USP24: variants seen among roughly 807,000 people sequenced by gnomAD.
USP24 encodes the protein ubiquitin specific peptidase 24.
USP24 carries 97 observed loss-of-function variants against 361.6 expected under a neutral mutation model. The ratio of observed to expected loss-of-function variants is 0.27; its 90% CI spans 0.23 to 0.32. USP24 has a LOEUF of 0.32. Ranked by LOEUF, USP24 falls within the 10% of genes least tolerant of loss-of-function variation. USP24 has a pLI of 1.00. For missense variants in USP24, 2,353 were observed against 3,165.6 expected, an observed-to-expected ratio of 0.74 and a Z score of 6.16; for synonymous variants, 1,098 against 1,124.6, an observed-to-expected ratio of 0.98 and a Z score of 0.47.
chr1:55,167,130 T>C (rs1162507578), intron 5 of USP24, among the ~76,000 whole-genome samples: 1 of 152,192 alleles, frequency 6.6e-6, no homozygotes, highest in Non-Finnish European at 1.5e-5. Context: ...AAGCTCATTC[T>C]AGCAGGGTCA....
At chr1:55,120,452 G>T in intron 38 of USP24, 144 bp downstream of exon 38, 2 of 897,932 alleles carry the variant, frequency 2.2e-6, no homozygotes, top group African/African-American at 1.7e-5. Flanking sequence ...CTATCCAAAT[G>T]CCATCTTTCA....
rs766228275 is a variant in USP24, at chr1:55,083,835, G to A, written c.6819C>T (p.Asp2273=). ...LEVLLALLDK[D]VPENCKNCAQ... is the part of the protein sequence containing the mutation. Reference sequence around the variant, plus strand: ...CACAGTTTTTACAATTTTCTGGGACGTCTTTGTCCAACAGAGCAAGTAGTA... The same window carrying A: ...CACAGTTTTTACAATTTTCTGGGACATCTTTGTCCAACAGAGCAAGTAGTA... The change falls in exon 57 of 68, where the codon GAC becomes GAT. Residue 2273 remains aspartate (D), a synonymous_variant. Transcript: ENST00000294383. 7 of 1,606,042 alleles carry A rather than the reference G, an allele frequency of 4.4e-6. No individual in the cohort carries two copies. The East Asian group carries it at 6.7e-5, about 15-fold the overall frequency.
chr1:55,070,341 C>A (rs1223402885), intron 67 of USP24, among the ~76,000 whole-genome samples: 1 of 152,134 alleles, frequency 6.6e-6, no homozygotes, highest in African/African-American at 2.4e-5. Flanking sequence ...AGAGACTCCA[C>A]AAACCTTTAC....
At chr1:55,098,450 C>G (rs747285497) in intron 46 of USP24, 26 bp downstream of exon 46, 1 of 1,581,462 alleles carries the variant, frequency 6.3e-7, no homozygotes, top group African/African-American at 1.3e-5. Flanking sequence ...GATCATTTTT[C>G]CTGTGTCGGT....
rs1646342490 is a variant in USP24, at chr1:55,123,547, G to A, written c.4176C>T (p.Ile1392=). The part of the protein sequence containing the change: ...EGEPVALHAG[I]CVRQQSVSTK... ...TGGATACAGACTGTTGTCGAACACA[G>A]ATTCCCGCATGCAGGGCTACTGGTT... The change falls in exon 36 of 68, where the codon ATC becomes ATT. Residue 1392 remains isoleucine, a synonymous_variant. Coordinates refer to ENST00000294383, the MANE Select transcript of USP24 (RefSeq NM_015306.3). 1 of 1,601,988 alleles carries A rather than the reference G, an allele frequency of 6.2e-7. No individual in the cohort carries two copies. The highest frequency in any genetic ancestry group is 1.1e-5 in the South Asian group (1 of 88,312).
intron 64 of USP24, among the ~76,000 whole-genome samples, chr1:55,073,409 G>A (rs1333052910): frequency 2.0e-5 from 3 of 152,054 alleles, no homozygotes; most frequent in Admixed American, 6.5e-5. Flanking sequence ...TTCTTGACAC[G>A]GTGCCTGGGT....
At chr1:55,208,365 C>A (rs1283267058) in intron 1 of USP24, among the ~76,000 whole-genome samples, 1 of 152,224 alleles carries the variant, frequency 6.6e-6, no homozygotes, top group Non-Finnish European at 1.5e-5. Flanking sequence ...CGGAGGCTCA[C>A]ACCTGTAATC....
At chr1:55,116,980 G>C (rs998549497) in intron 38 of USP24, among the ~76,000 whole-genome samples, 3 of 152,092 alleles carry the variant, frequency 2.0e-5, no homozygotes, top group Admixed American at 2.0e-4. Flanking sequence ...GCATTTAAAG[G>C]ATTACACCCC....
At chr1:55,129,242 T>C (rs188929755) in intron 32 of USP24, among the ~76,000 whole-genome samples, 321 of 152,246 alleles carry the variant, frequency 2.1e-3, no homozygotes, top group Non-Finnish European at 3.1e-3. Flanking sequence ...TCTTGAAAAT[T>C]TCCCCCACTA....
chr1:55,166,461 T>G lies in USP24; in HGVS notation c.861+107A>C, dbSNP rs923977823. On this transcript the variant is annotated intron_variant, in intron 6 of 67. Transcript: ENST00000294383. ...TGAAATCCACTCCTTAAAGCATTTT[T>G]TTTATTATTCTCTGCAGCTGCCATT... The G allele has an allele frequency of 1.2e-5, 13 of 1,056,460 alleles. No homozygotes were observed. The Admixed American group carries it at 1.4e-4, about 11-fold the overall frequency. 65.4% of individuals were successfully genotyped at this position (1,056,460 alleles called of 1,614,324 possible).
In USP24 at chr1:55,071,825, GCCTGTCT is replaced by G; in HGVS notation, c.7782_7788del (p.Asp2595IlefsTer10). 1 of 1,612,556 alleles carries G rather than the reference GCCTGTCT, an allele frequency of 6.2e-7. No homozygotes were observed. The highest frequency in any genetic ancestry group is 8.5e-7 in the Non-Finnish European group (1 of 1,179,334). The stretch of plus-strand genomic sequence containing the variant: ...GCTGACCGTTATACCTGCTGTAGAT[GCCTGTCT>G]CCGTTCTCATTGGCAGGACTACTCT... On this transcript the variant is annotated frameshift_variant, in exon 67 of 68. Coordinates refer to ENST00000294383, the MANE Select transcript of USP24 (RefSeq NM_015306.3). LOFTEE classifies it high-confidence loss of function.
At chr1:55,132,847 C>T (rs936549466) in intron 30 of USP24, 147 bp from the exon 31 acceptor site, 2 of 734,214 alleles carry the variant, frequency 2.7e-6, no homozygotes, top group Non-Finnish European at 4.2e-6. Flanking sequence ...CATAAAACCA[C>T]ATCACTCCGT....
At chr1:55,211,763 A>G (rs1200878988) in intron 1 of USP24, among the ~76,000 whole-genome samples, 1 of 152,182 alleles carries the variant, frequency 6.6e-6, no homozygotes, top group Admixed American at 6.5e-5. Context: ...GCTATCCCCA[A>G]ACTACAAATA....
chr1:55,205,242 CAGATAATCTAA>C (rs1289261720), intron 1 of USP24, among the ~76,000 whole-genome samples: 2 of 152,066 alleles, frequency 1.3e-5, no homozygotes, highest in African/African-American at 4.8e-5. Flanking sequence ...CAAAAGCTGG[CAGATAATCTAA>C]AGGTCAATCA....
Position 55,096,824 on chromosome 1 carries a change from A to G in USP24, c.5936+128T>C. ...GTAAAACCAGTTGCACGAAGCTTTA[A>G]AACTTCAAAATGAAACACAGTCAAG... On this transcript the variant is annotated intron_variant, in intron 49 of 67. Transcript: ENST00000294383. 4 of 1,374,840 alleles carry G rather than the reference A, an allele frequency of 2.9e-6. No individual in the cohort carries two copies. In the South Asian group the frequency reaches 6.0e-5, roughly 21 times the overall value. 85.2% of individuals were successfully genotyped at this position (1,374,840 alleles called of 1,614,324 possible). A position where few individuals can be genotyped will look rare whatever the true frequency, so the allele number is the denominator to read the frequency against.
intron 3 of USP24, among the ~76,000 whole-genome samples, chr1:55,173,040 A>G (rs1262445407): frequency 1.3e-5 from 2 of 152,208 alleles, no homozygotes; most frequent in African/African-American, 2.4e-5. Flanking sequence ...CTGGCTGTCC[A>G]TATTAATATT....
Position 55,083,290 on chromosome 1 carries a change from G to A in USP24, c.6957C>T (p.Ala2319=), listed in dbSNP as rs1300695211. 1.2e-6 allele frequency: 2 copies of A among 1,613,622 alleles called. No homozygotes were observed. The highest frequency in any genetic ancestry group is 1.7e-6 in the Non-Finnish European group (2 of 1,179,672). ...LRHMISFLLG[A]SRQNNQIRRW... ...TCCTTACCTGATTGTTTTGCCGACT[G>A]GCCCCTAGGAGGAAGCTGATCATGT... Residue 2319 remains alanine, a synonymous_variant, in exon 58 of 68, where the codon GCC becomes GCT. Coordinates refer to ENST00000294383, the MANE Select transcript of USP24 (RefSeq NM_015306.3).
At chr1:55,204,311 T>C (rs532676110) in intron 1 of USP24, among the ~76,000 whole-genome samples, 8 of 150,416 alleles carry the variant, frequency 5.3e-5, no homozygotes, top group South Asian at 2.1e-4. Flanking sequence ...GAAAAACTGA[T>C]ACACTTACGC....
intron 13 of USP24, 61 bp from the exon 14 acceptor site, chr1:55,154,527 T>A (rs1199204545): frequency 6.6e-7 from 1 of 1,523,206 alleles, no homozygotes; most frequent in African/African-American, 1.4e-5. Flanking sequence ...TATGCAAAAA[T>A]TTTAAACTTG....
Sources: allele counts gnomAD v4.1 joint callset (sites outside exome capture counted in the v4.1 genomes callset), GRCh38; gene constraint gnomAD v4.1.1; transcripts MANE v1.5; gene names NCBI Gene and HGNC (gene_info 2026-07-23, HGNC 2026-07-21).